The following SCFD2 variants were observed in gnomAD, a reference collection of about 807,000 sequenced individuals.
SCFD2 encodes the protein sec1 family domain-containing protein 2.
A neutral mutation model predicts 58.9 loss-of-function variants in SCFD2; 54 were observed. The observed-to-expected ratio is 0.92, with a 90% CI of 0.74 to 1.15. The LOEUF is 1.15. Ranked by LOEUF, SCFD2 falls within the 50% of genes most tolerant of loss-of-function variation. The probability of loss-of-function intolerance (pLI) is 0.00; values close to 1 mark genes in which losing one functional copy is unlikely to be tolerated. For synonymous variants in SCFD2, 321 were observed against 335.9 expected, an observed-to-expected ratio of 0.96 and a Z score of 0.49; for missense variants, 805 against 836.6, an observed-to-expected ratio of 0.96 and a Z score of 0.47.
chr4:52,948,269 C>T (rs1185073872), intron 5 of SCFD2: 1 of 276,998 alleles, frequency 3.6e-6, no homozygotes, highest in African/African-American at 2.2e-5. Flanking sequence ...TGGCACATGG[C>T]TCTTAATCAG....
intron 4 of SCFD2, among the ~76,000 whole-genome samples, chr4:53,245,780 A>C (rs1730049323): frequency 6.6e-6 from 1 of 152,200 alleles, no homozygotes; most frequent in Non-Finnish European, 1.5e-5. Flanking sequence ...ATTCCCTTTG[A>C]AAACTGCCAC....
At chr4:53,298,078 G>A (rs1425340998) in intron 3 of SCFD2, among the ~76,000 whole-genome samples, 1 of 152,160 alleles carries the variant, frequency 6.6e-6, no homozygotes, top group Non-Finnish European at 1.5e-5. Flanking sequence ...CATCACACTG[G>A]GGAGTGCCGG....
Position 53,132,748 on chromosome 4 carries a change from G to T in SCFD2, c.1561+12585C>A, listed in dbSNP as rs555830869. ...GTGGGTGACATGAAAGCTGGTGATG[G>T]ACGTGTAGAATCAGTCTTCCAGTTG... On this transcript the variant is annotated intron_variant, in intron 5 of 8. Coordinates refer to ENST00000401642, the MANE Select transcript of SCFD2 (RefSeq NM_152540.4). Among the ~76,000 whole-genome samples, 6 of 152,312 alleles carry T rather than the reference G, an allele frequency of 3.9e-5. No homozygotes were observed. In the South Asian group the frequency reaches 6.2e-4, roughly 16 times the overall value.
intron 4 of SCFD2, among the ~76,000 whole-genome samples, chr4:53,179,859 T>G (rs1185093688): frequency 8.5e-5 from 13 of 152,096 alleles, no homozygotes; most frequent in Admixed American, 8.5e-4. Flanking sequence ...TCCTAGTCTC[T>G]GATAAAACAG....
At chr4:53,133,943 G>C (rs2148902124) in intron 5 of SCFD2, among the ~76,000 whole-genome samples, 1 of 152,312 alleles carries the variant, frequency 6.6e-6, no homozygotes, top group South Asian at 2.1e-4. Flanking sequence ...TATGAATAGT[G>C]CTTCAGGGAA....
At chr4:52,888,694 A>G (rs1359309974) in intron 7 of SCFD2, among the ~76,000 whole-genome samples, 1 of 152,102 alleles carries the variant, frequency 6.6e-6, no homozygotes, top group Non-Finnish European at 1.5e-5. Flanking sequence ...ATTTCTTCTC[A>G]GATTTCTTAA....
chr4:53,279,270 A>G (rs1199862422), intron 3 of SCFD2, among the ~76,000 whole-genome samples: 1 of 152,152 alleles, frequency 6.6e-6, no homozygotes, highest in Non-Finnish European at 1.5e-5. Context: ...ATTTTCAGTT[A>G]GGCTTTATTT....
chr4:53,044,175 T>G (rs1049313469), intron 5 of SCFD2, among the ~76,000 whole-genome samples: 6 of 152,156 alleles, frequency 3.9e-5, no homozygotes, highest in Non-Finnish European at 1.5e-5. Flanking sequence ...TGAAGTCTTC[T>G]CTAATAGTCA....
chr4:53,247,580 C>A (rs1241735460), intron 4 of SCFD2, among the ~76,000 whole-genome samples: 2 of 152,084 alleles, frequency 1.3e-5, no homozygotes, highest in Non-Finnish European at 2.9e-5. Flanking sequence ...CAAGATCAGG[C>A]CGGGCGCGGT....
chr4:53,297,796 T>C (rs539958304), intron 3 of SCFD2, among the ~76,000 whole-genome samples: 4 of 152,352 alleles, frequency 2.6e-5, no homozygotes, highest in East Asian at 1.9e-4. Flanking sequence ...CTGGTACCAG[T>C]TGACCTTTTC....
chr4:52,924,441 C>G (rs369356941), intron 5 of SCFD2, among the ~76,000 whole-genome samples: 1 of 152,052 alleles, frequency 6.6e-6, no homozygotes, highest in Non-Finnish European at 1.5e-5. Flanking sequence ...AACTGCTGGA[C>G]GGAAAATGCA....
intron 4 of SCFD2, among the ~76,000 whole-genome samples, chr4:53,229,158 C>G (rs189772645): frequency 0.013 from 1,908 of 152,156 alleles, 13 homozygotes; most frequent in Non-Finnish European, 0.021. Context: ...ATGCTCATGG[C>G]TAGGAAGAAT....
chr4:53,057,466 C>G (rs1723376691), intron 5 of SCFD2, among the ~76,000 whole-genome samples: 1 of 152,130 alleles, frequency 6.6e-6, no homozygotes, highest in African/African-American at 2.4e-5. Flanking sequence ...AAATCAAACA[C>G]TGCATGTTCT....
In SCFD2 at chr4:53,352,734, C is replaced by T; in HGVS notation, c.871G>A (p.Glu291Lys). The T allele has an allele frequency of 6.2e-7, 1 of 1,614,156 alleles. No homozygotes were observed. The change falls in exon 2 of 9, where the codon GAG (glutamate) becomes AAG (lysine). Residue 291 changes from glutamate (E) to lysine (K), a missense_variant. Glu to Lys is a moderately conservative substitution (Grantham distance 56). Transcript: ENST00000401642. Reference protein sequence around the residue: ...AVGHHGDNLVEKIISALPQLP... With the variant: ...AVGHHGDNLVKKIISALPQLP... ...TGGGGAAGTGCTGAAATGATCTTCT[C>T]TACTAAGTTGTCTCCATGATGTCCA...
chr4:52,899,521 T>C (rs1413500622), intron 7 of SCFD2, among the ~76,000 whole-genome samples: 1 of 152,236 alleles, frequency 6.6e-6, no homozygotes, highest in Non-Finnish European at 1.5e-5. Flanking sequence ...AGAGATCTGC[T>C]GTTAGTCTGA....
At chr4:53,182,759 CA>C (rs1331088999) in intron 4 of SCFD2, among the ~76,000 whole-genome samples, 1 of 151,406 alleles carries the variant, frequency 6.6e-6, no homozygotes, top group Non-Finnish European at 1.5e-5. Flanking sequence ...ACTCATCTGA[CA>C]AAGGGCTAAT....
chr4:53,179,304 G>A (rs191162658), intron 4 of SCFD2, among the ~76,000 whole-genome samples: 2,917 of 152,204 alleles, frequency 0.019, 93 homozygotes, highest in African/African-American at 0.066. Context: ...CTGATCGCTC[G>A]GCAGAAACTC....
chr4:53,231,868 T>C (rs1729450549), intron 4 of SCFD2, among the ~76,000 whole-genome samples: 1 of 152,096 alleles, frequency 6.6e-6, no homozygotes, highest in South Asian at 2.1e-4. Flanking sequence ...AAATGTTATA[T>C]ATATATTAAA....
intron 7 of SCFD2, among the ~76,000 whole-genome samples, chr4:52,896,452 T>G (rs1215757748): frequency 1.3e-5 from 2 of 152,330 alleles, no homozygotes; most frequent in Middle Eastern, 3.4e-3. Context: ...GTCAGGTTTG[T>G]CAAAGATCAG....
Sources: gnomAD v4.1 joint callset for allele counts (sites outside exome capture counted in the v4.1 genomes callset) on GRCh38, gnomAD v4.1.1 for gene constraint, MANE v1.5 for transcripts, NCBI Gene and HGNC (gene_info 2026-07-23, HGNC 2026-07-21) for gene names.